Variants in ESRRG observed in about 807,000 individuals in gnomAD.
ESRRG encodes estrogen related receptor gamma, also known as estrogen-related receptor gamma.
In ESRRG, 13 loss-of-function variants were observed where a neutral mutation model predicts 44.0. That is an observed-to-expected ratio of 0.30 (90% CI 0.19 to 0.47). The LOEUF (loss-of-function observed/expected upper bound fraction) is 0.47, where lower values mean the gene tolerates loss of function less well. Among genes scored for constraint, ESRRG ranks in the 20% least tolerant of loss-of-function variants. The pLI is 1.00. For synonymous variants in ESRRG, 215 were observed against 214.6 expected (o/e 1.00, Z -0.02); for missense variants, 395 against 580.6 (o/e 0.68, Z 3.29).
chr1:216,748,744 C>T (rs1375100309), intron 2 of ESRRG, among the ~76,000 whole-genome samples: 1 of 152,134 alleles, frequency 6.6e-6, no homozygotes, highest in African/African-American at 2.4e-5. Flanking sequence ...TTTTCAAACT[C>T]ACTTAAATCA....
intron 1 of ESRRG, among the ~76,000 whole-genome samples, chr1:217,112,767 C>A (rs1204950855): frequency 6.6e-6 from 1 of 152,170 alleles, no homozygotes; most frequent in Non-Finnish European, 1.5e-5. Flanking sequence ...GGATAAAGAT[C>A]AAATCCAGTC....
At chr1:217,132,214 C>T (rs993021434) in intron 1 of ESRRG, among the ~76,000 whole-genome samples, 2 of 152,156 alleles carry the variant, frequency 1.3e-5, no homozygotes, top group African/African-American at 4.8e-5. Context: ...AGGCTGGTCT[C>T]AAACTCCCAG....
chr1:216,594,235 C>T (rs2058110317), intron 3 of ESRRG, among the ~76,000 whole-genome samples: 1 of 151,944 alleles, frequency 6.6e-6, no homozygotes, highest in South Asian at 2.1e-4. Context: ...CCCATGATGT[C>T]TAAATGAGAT....
At position 216,881,615 on chromosome 1, in the gene ESRRG, T is replaced by C. The variant is rs147447073; in HGVS notation, c.-14+57967A>G. On this transcript the variant is annotated intron_variant, in intron 2 of 7. Transcript: ENST00000359162. ...CCATCACCATCCTTGCCTACCCTTC[T>C]GTTGCTACCTCCCAGCTCCCCCAAC... 1.2e-4 allele frequency among the ~76,000 whole-genome samples: 19 copies of C among 152,264 alleles called. No homozygotes were observed. The East Asian group carries it at 3.7e-3, about 29-fold the overall frequency.
chr1:217,037,954 C>T (rs1266727922), intron 1 of ESRRG, among the ~76,000 whole-genome samples: 1 of 152,204 alleles, frequency 6.6e-6, no homozygotes, highest in African/African-American at 2.4e-5. Flanking sequence ...TGTCTCACAT[C>T]CAGGTCATGC....
At chr1:217,117,577 C>T (rs1580618866) in intron 1 of ESRRG, among the ~76,000 whole-genome samples, 1 of 151,746 alleles carries the variant, frequency 6.6e-6, no homozygotes, top group Non-Finnish European at 1.5e-5. Flanking sequence ...AGAGCGAGAC[C>T]CTGTCTCCAA....
At chr1:217,021,028 AT>A (rs1235231366) in intron 1 of ESRRG, among the ~76,000 whole-genome samples, 1 of 145,298 alleles carries the variant, frequency 6.9e-6, no homozygotes, top group Admixed American at 7.1e-5. Context: ...GAACCCCCCC[AT>A]CCCCCAACCC....
At chr1:216,663,996 C>T (rs2073227473) in intron 2 of ESRRG, among the ~76,000 whole-genome samples, 1 of 152,110 alleles carries the variant, frequency 6.6e-6, no homozygotes, top group Non-Finnish European at 1.5e-5. Flanking sequence ...AAATGAATTG[C>T]AAAGCGTTTA....
chr1:216,724,526 T>A (rs921652247), upstream of ESRRG, among the ~76,000 whole-genome samples: 1 of 152,068 alleles, frequency 6.6e-6, no homozygotes, highest in African/African-American at 2.4e-5. Context: ...AGTGTACACA[T>A]TTGTTTCTAT....
intron 2 of ESRRG, among the ~76,000 whole-genome samples, chr1:216,880,624 T>C (rs2096431679): frequency 6.6e-6 from 1 of 152,174 alleles, no homozygotes; most frequent in Non-Finnish European, 1.5e-5. Context: ...TAAATGTTCC[T>C]AACATATTAG....
At chr1:216,874,361 A>G (rs919963550) in intron 2 of ESRRG, among the ~76,000 whole-genome samples, 1 of 152,198 alleles carries the variant, frequency 6.6e-6, no homozygotes, top group South Asian at 2.1e-4. Flanking sequence ...ACCAAAACTC[A>G]GGTAAAAAAG....
intron 1 of ESRRG, among the ~76,000 whole-genome samples, chr1:216,960,247 T>C (rs980015942): frequency 3.3e-5 from 5 of 152,146 alleles, no homozygotes; most frequent in African/African-American, 9.7e-5. Context: ...GTATATCATA[T>C]ATGTAGGTTA....
At chr1:216,794,689 T>C (rs1285803812) in intron 2 of ESRRG, among the ~76,000 whole-genome samples, 2 of 152,092 alleles carry the variant, frequency 1.3e-5, no homozygotes, top group Non-Finnish European at 2.9e-5. Context: ...GAATTATTAC[T>C]CCAGAGTGTT....
upstream of ESRRG, among the ~76,000 whole-genome samples, chr1:216,726,231 C>T (rs935995775): frequency 1.3e-5 from 2 of 152,122 alleles, no homozygotes; most frequent in African/African-American, 4.8e-5. Context: ...GGTTTGTAGA[C>T]TTGGATATTT....
intron 2 of ESRRG, among the ~76,000 whole-genome samples, chr1:216,788,144 T>C (rs563552412): frequency 2.8e-4 from 42 of 152,178 alleles, no homozygotes; most frequent in Non-Finnish European, 5.7e-4. Context: ...CTAGCTAAGA[T>C]AATTTATGAA....
chr1:217,083,535 C>T (rs2091902286), intron 1 of ESRRG, among the ~76,000 whole-genome samples: 1 of 152,208 alleles, frequency 6.6e-6, no homozygotes, highest in Admixed American at 6.5e-5. Flanking sequence ...AGGTTCACTA[C>T]TGCCCTCTGA....
intron 1 of ESRRG, among the ~76,000 whole-genome samples, chr1:217,036,137 G>T (rs2082854177): frequency 6.6e-6 from 1 of 152,114 alleles, no homozygotes; most frequent in Non-Finnish European, 1.5e-5. Context: ...GTCAGAATGG[G>T]TATTATTAAA....
chr1:217,048,577 C>T (rs1287440859), intron 1 of ESRRG, among the ~76,000 whole-genome samples: 1 of 152,126 alleles, frequency 6.6e-6, no homozygotes. Flanking sequence ...GGCCCCCTTC[C>T]ACCAATGCCA....
chr1:217,056,466 T>C (rs1374980346), intron 1 of ESRRG, among the ~76,000 whole-genome samples: 1 of 152,000 alleles, frequency 6.6e-6, no homozygotes, highest in Non-Finnish European at 1.5e-5. Flanking sequence ...CAAGACTTTT[T>C]CCACTTCTGG....
Sources: allele counts gnomAD v4.1 joint callset (sites outside exome capture counted in the v4.1 genomes callset), GRCh38; gene constraint gnomAD v4.1.1; transcripts MANE v1.5; gene names NCBI Gene and HGNC (gene_info 2026-07-23, HGNC 2026-07-21).